The following RAB31 variants were observed in gnomAD, a reference collection of about 807,000 sequenced individuals.
The protein encoded by RAB31 is ras-related protein Rab-31.
RAB31 carries 21 observed loss-of-function variants against 25.6 expected under a neutral mutation model. The ratio of observed to expected loss-of-function variants is 0.82; its 90% CI spans 0.58 to 1.18. The LOEUF (loss-of-function observed/expected upper bound fraction) is 1.18. Ranked by LOEUF, RAB31 falls within the 50% of genes most tolerant of loss-of-function variation. The pLI is 0.00. For synonymous variants in RAB31, 87 were observed against 84.0 expected, an observed-to-expected ratio of 1.04 and a Z score of -0.20; for missense variants, 196 against 250.1, an observed-to-expected ratio of 0.78 and a Z score of 1.46.
rs185282043 is a variant in RAB31, at chr18:9,719,142, C to T, written c.39+10698C>T. On this transcript the variant is annotated intron_variant, in intron 1 of 6. Transcript: ENST00000578921. ...AAAATTAGCTGAGCGTGGTGGCGTG[C>T]GCCTATAATCCCAGCTACTAGGGAG... Among the ~76,000 whole-genome samples the T allele has an allele frequency of 4.1e-3, 621 of 149,982 alleles. 6 individuals are homozygous for T. Among genetic ancestry groups the T allele is most frequent in the African/African-American group, 0.014 (589 of 40,812 alleles).
At chr18:9,738,560 C>A (rs909884600) in intron 1 of RAB31, among the ~76,000 whole-genome samples, 1 of 152,158 alleles carries the variant, frequency 6.6e-6, no homozygotes, top group East Asian at 1.9e-4. Flanking sequence ...TCCTGGAGGG[C>A]GGCGCAGGGG....
rs951055447 is a variant in RAB31, at chr18:9,840,013, G to C, written c.381-5569G>C. On this transcript the variant is annotated intron_variant, in intron 5 of 6. Transcript: ENST00000578921. ...TTCCACCCTCCATCCTCACCACTCA[G>C]CCTGACTGGAGCTGGCCACCGCTGC... 2.6e-5 allele frequency among the ~76,000 whole-genome samples: 4 copies of C among 152,266 alleles called. No individual in the cohort carries two copies. In the East Asian group the frequency reaches 7.7e-4, roughly 29 times the overall value.
chr18:9,853,958 CT>C (rs1568197044), intron 6 of RAB31, among the ~76,000 whole-genome samples: 1 of 115,384 alleles, frequency 8.7e-6, no homozygotes, highest in Non-Finnish European at 1.9e-5. Flanking sequence ...CTTTTCTTTT[CT>C]TTTCTTTTTT....
chr18:9,853,191 G>C (rs760442494), intron 6 of RAB31, among the ~76,000 whole-genome samples: 21 of 151,876 alleles, frequency 1.4e-4, no homozygotes, highest in Admixed American at 5.2e-4. Flanking sequence ...TCATTTTCTT[G>C]ACAGTGTTGT....
intron 5 of RAB31, among the ~76,000 whole-genome samples, chr18:9,838,012 A>C (rs2068713846): frequency 6.6e-6 from 1 of 152,212 alleles, no homozygotes; most frequent in South Asian, 2.1e-4. Context: ...AAGTAGTGCC[A>C]TGCTGTCATC....
At chr18:9,798,816 A>G (rs1048897654) in intron 3 of RAB31, among the ~76,000 whole-genome samples, 34 of 151,672 alleles carry the variant, frequency 2.2e-4, no homozygotes, top group African/African-American at 8.0e-4. Context: ...TGGGCCAGAC[A>G]CAGTTGCTCA....
At chr18:9,761,547 G>A (rs2068288772) in intron 1 of RAB31, among the ~76,000 whole-genome samples, 1 of 152,128 alleles carries the variant, frequency 6.6e-6, no homozygotes. Flanking sequence ...CCTCGGGCTG[G>A]GGGATCTCTT....
intron 1 of RAB31, chr18:9,774,778 G>A: frequency 2.0e-6 from 1 of 496,486 alleles, no homozygotes; most frequent in Admixed American, 2.2e-5. Context: ...AAATTTGGAA[G>A]TTATTACCCA....
intron 1 of RAB31, among the ~76,000 whole-genome samples, chr18:9,754,416 AT>A (rs774943408): frequency 1.2e-4 from 18 of 151,962 alleles, no homozygotes; most frequent in Non-Finnish European, 4.4e-5. Context: ...AGTAGCTGGG[AT>A]TACAGGTGCC....
At chr18:9,812,931 G>C (rs567550412) in intron 3 of RAB31, among the ~76,000 whole-genome samples, 2 of 150,856 alleles carry the variant, frequency 1.3e-5, no homozygotes, top group Non-Finnish European at 2.9e-5. Flanking sequence ...TCCTGACCTC[G>C]GGTGATCCTG....
chr18:9,772,072 C>T (rs141377811), intron 1 of RAB31, among the ~76,000 whole-genome samples: 2 of 152,326 alleles, frequency 1.3e-5, no homozygotes, highest in Non-Finnish European at 2.9e-5. Context: ...GTGACTTCTT[C>T]CCTTTTCCGC....
intron 3 of RAB31, among the ~76,000 whole-genome samples, chr18:9,792,547 T>C (rs1391719532): frequency 6.6e-6 from 1 of 152,060 alleles, no homozygotes; most frequent in Non-Finnish European, 1.5e-5. Flanking sequence ...AGACTCACCC[T>C]CCCTCCTTAC....
chr18:9,736,913 T>A (rs958740025), intron 1 of RAB31, among the ~76,000 whole-genome samples: 1 of 152,248 alleles, frequency 6.6e-6, no homozygotes, highest in African/African-American at 2.4e-5. Context: ...TCAGATGTTA[T>A]TGGGTGGTAG....
intron 6 of RAB31, among the ~76,000 whole-genome samples, chr18:9,846,176 A>G (rs2068760943): frequency 6.6e-6 from 1 of 152,196 alleles, no homozygotes; most frequent in African/African-American, 2.4e-5. Flanking sequence ...TGGCGTGTAC[A>G]GGTACCCCAT....
intron 5 of RAB31, among the ~76,000 whole-genome samples, chr18:9,832,071 A>G (rs2068681210): frequency 6.6e-6 from 1 of 152,198 alleles, no homozygotes; most frequent in African/African-American, 2.4e-5. Context: ...CTCTGTGGAT[A>G]CGCCGAGCGA....
chr18:9,734,087 G>T (rs60172187), intron 1 of RAB31, among the ~76,000 whole-genome samples: 11,854 of 142,928 alleles, frequency 0.083, 705 homozygotes, highest in African/African-American at 0.16. Flanking sequence ...GAAGCTGGGG[G>T]GCAGGGTGGC....
At position 9,859,511 on chromosome 18, in the gene RAB31, G is replaced by T; in HGVS notation, c.*186G>T. ...CCTGAAAAGGATTTTAGAAAACCCT[G>T]GGAAAACCCACCACACCACCACAAA... On this transcript the variant is annotated 3_prime_UTR_variant, in exon 7 of 7. Coordinates refer to ENST00000578921, the MANE Select transcript of RAB31 (RefSeq NM_006868.4). The T allele has an allele frequency of 4.1e-6, 2 of 486,554 alleles. No homozygotes were observed. Among genetic ancestry groups the T allele is most frequent in the Non-Finnish European group, 7.2e-6 (2 of 278,178 alleles). The allele number at this position is 486,554 out of a possible 1,614,324, so 30.1% of individuals were successfully genotyped here.
intron 2 of RAB31, among the ~76,000 whole-genome samples, chr18:9,788,223 T>C (rs2068443257): frequency 6.6e-6 from 1 of 152,156 alleles, no homozygotes; most frequent in Non-Finnish European, 1.5e-5. Flanking sequence ...ATGATTTAAA[T>C]TGGGCAAGGA....
chr18:9,724,272 AAAAAAAAAAAAAAAAC>A (rs61728594), intron 1 of RAB31, among the ~76,000 whole-genome samples: 12,892 of 104,610 alleles, frequency 0.12, 917 homozygotes, highest in East Asian at 0.34. Context: ...CTCCGTCTCA[AAAAAAAAAAAAAAAAC>A]AAAAAAAAAA....
Sources: gnomAD v4.1 joint callset for allele counts (sites outside exome capture counted in the v4.1 genomes callset) on GRCh38, gnomAD v4.1.1 for gene constraint, MANE v1.5 for transcripts, NCBI Gene and HGNC (gene_info 2026-07-23, HGNC 2026-07-21) for gene names.